Variants in DBNL observed in about 807,000 individuals in gnomAD.
DBNL encodes drebrin-like protein.
DBNL carries 35 observed loss-of-function variants against 62.2 expected under a neutral mutation model. That is an observed-to-expected ratio of 0.56 (90% CI 0.43 to 0.75). The LOEUF (loss-of-function observed/expected upper bound fraction) is 0.75, where lower values mean the gene tolerates loss of function less well. DBNL is among the 30% of genes least tolerant of loss of function. The probability of loss-of-function intolerance (pLI) is 0.00; values close to 1 mark genes in which losing one functional copy is unlikely to be tolerated. For missense variants in DBNL, 495 were observed against 578.4 expected, an observed-to-expected ratio of 0.86 and a Z score of 1.48; for synonymous variants, 197 against 218.0, an observed-to-expected ratio of 0.90 and a Z score of 0.85.
Position 44,066,801 on chromosome 7 carries a change from G to A in DBNL, c.*5885G>A, listed in dbSNP as rs754084843. The A allele has an allele frequency of 7.2e-5, 11 of 152,332 alleles. No homozygotes were observed. The highest frequency in any genetic ancestry group is 1.6e-4 in the Non-Finnish European group (11 of 68,138). 9.4% of individuals were successfully genotyped at this position (152,332 alleles called of 1,614,324 possible). A position where few individuals can be genotyped will look rare whatever the true frequency, so the allele number is the denominator to read the frequency against. On this transcript the variant is annotated 3_prime_UTR_variant, in exon 13 of 13. Coordinates refer to ENST00000448521, the MANE Select transcript of DBNL (RefSeq NM_001014436.3). ...GTCGGCTGCCAGGACCCCCAAGGCT[G>A]GCAGGTGGAACCCATCCCTCCTAGC...
chr7:44,056,721 G>C lies in DBNL; in HGVS notation c.328-36G>C, dbSNP rs1375880421. On this transcript the variant is annotated intron_variant, in intron 4 of 12. Coordinates refer to ENST00000448521, the MANE Select transcript of DBNL (RefSeq NM_001014436.3). The stretch of plus-strand genomic sequence containing the variant: ...GGAGTTTGGCCCATCTCCTGGGCTT[G>C]CAAAGCCCTTCTTTCAAGTGCTGCT... The C allele has an allele frequency of 3.7e-6, 6 of 1,612,826 alleles. No homozygotes were observed. In the East Asian group the frequency reaches 6.7e-5, roughly 18 times the overall value.
In DBNL at chr7:44,068,966, A is replaced by C. The variant is rs1452375530; in HGVS notation, c.*8050A>C. ...TTGAAAGACTGGATCTTCACCAGAA[A>C]CTATAGAGGCCAGAAAGAAGTGGAA... is the stretch of plus-strand genomic sequence containing the variant. On this transcript the variant is annotated 3_prime_UTR_variant, in exon 13 of 13. Transcript: ENST00000448521. 1 of 152,226 alleles carries C rather than the reference A, an allele frequency of 6.6e-6. No homozygotes were observed. The highest frequency in any genetic ancestry group is 1.5e-5 in the Non-Finnish European group (1 of 68,044). The allele number at this position is 152,226 out of a possible 1,614,324, so 9.4% of individuals were successfully genotyped here. A position where few individuals can be genotyped will look rare whatever the true frequency, so the allele number is the denominator to read the frequency against.
intron 6 of DBNL, 104 bp from the exon 7 acceptor site, chr7:44,058,025 G>A: frequency 6.6e-7 from 1 of 1,521,808 alleles, no homozygotes; most frequent in Non-Finnish European, 8.9e-7. Flanking sequence ...TGATCGACTG[G>A]CTCTGGTGCC....
Position 44,059,924 on chromosome 7 carries a change from G to GC in DBNL, c.1048-119dup. 1 of 963,592 alleles carries GC rather than the reference G, an allele frequency of 1.0e-6. No individual in the cohort carries two copies. Among genetic ancestry groups the GC allele is most frequent in the Non-Finnish European group, 1.6e-6 (1 of 632,502 alleles). 59.7% of individuals were successfully genotyped at this position (963,592 alleles called of 1,614,324 possible). A position where few individuals can be genotyped will look rare whatever the true frequency, so the allele number is the denominator to read the frequency against. ...GTAGGGCGGGGACAGCAGCAGCCCAGCCCCCGAGCCTGTAGACTGCTTGCC... is the reference window on the plus strand; with the variant it reads ...GTAGGGCGGGGACAGCAGCAGCCCAGCCCCCCGAGCCTGTAGACTGCTTGCC... On this transcript the variant is annotated intron_variant, in intron 11 of 12. Transcript: ENST00000448521. This position sits in a 1 kb window ranked among gnomAD's most constrained non-coding sequence, Gnocchi z 4.1.
chr7:44,057,901 C>T, intron 6 of DBNL, 42 bp downstream of exon 6: 1 of 1,612,558 alleles, frequency 6.2e-7, no homozygotes, highest in East Asian at 2.2e-5. Flanking sequence ...TGGGAGTGTT[C>T]TGCTTGCTGT....
Position 44,064,708 on chromosome 7 carries a change from A to G in DBNL, c.*3792A>G. 3 of 856,118 alleles carry G rather than the reference A, an allele frequency of 3.5e-6. No homozygotes were observed. Among genetic ancestry groups the G allele is most frequent in the East Asian group, 2.7e-5 (1 of 37,496 alleles). The allele number at this position is 856,118 out of a possible 1,614,324, so 53.0% of individuals were successfully genotyped here. ...AATGGCTTCTCAGCCCTCCTTTTTC[A>G]GTGAATGATGTGGAGCCCCACGCCT... is the stretch of plus-strand genomic sequence containing the variant. On this transcript the variant is annotated 3_prime_UTR_variant, in exon 13 of 13. Transcript: ENST00000448521.
chr7:44,051,103 C>T (rs1389476162), intron 2 of DBNL: 1 of 152,394 alleles, frequency 6.6e-6, no homozygotes, highest in Non-Finnish European at 1.5e-5. Context: ...GGACAGGGCT[C>T]TGCCACAAAT....
At position 44,063,244 on chromosome 7, in the gene DBNL, G is replaced by A. The variant is rs1006941180; in HGVS notation, c.*2328G>A. ...CAGCCAGACTGAAGTTGAGGGTCAG[G>A]AAGGGACACTCACCCTTTGTTTTTT... On this transcript the variant is annotated 3_prime_UTR_variant, in exon 13 of 13. Coordinates refer to ENST00000448521, the MANE Select transcript of DBNL (RefSeq NM_001014436.3). The A allele has an allele frequency of 2.0e-5, 9 of 442,160 alleles. No homozygotes were observed. The highest frequency in any genetic ancestry group is 3.7e-5 in the Non-Finnish European group (9 of 240,248). 27.4% of individuals were successfully genotyped at this position (442,160 alleles called of 1,614,324 possible). A position where few individuals can be genotyped will look rare whatever the true frequency, so the allele number is the denominator to read the frequency against.
Position 44,059,722 on chromosome 7 carries a change from G to C in DBNL, c.1047+64G>C. 2.8e-6 allele frequency: 4 copies of C among 1,453,974 alleles called. No homozygotes were observed. In the South Asian group the frequency reaches 5.0e-5, roughly 18 times the overall value. 90.1% of individuals were successfully genotyped at this position (1,453,974 alleles called of 1,614,324 possible). ...GCATACTCAGGAACACTTATCACGGGCCGCCTGAGTTTTCTGGGGGCATGC... is the reference window on the plus strand; with the variant it reads ...GCATACTCAGGAACACTTATCACGGCCCGCCTGAGTTTTCTGGGGGCATGC... On this transcript the variant is annotated intron_variant, in intron 11 of 12. Transcript: ENST00000448521. The surrounding 1 kb of genome is among the most constrained non-coding windows in gnomAD (Gnocchi z 4.1).
Position 44,062,884 on chromosome 7 carries a change from G to T in DBNL, c.*1968G>T. The stretch of plus-strand genomic sequence containing the variant: ...CCTTGTTCAGCTCATACACAATGGG[G>T]ATCCCCGTGGGCAGGTTCAGCTCCA... On this transcript the variant is annotated 3_prime_UTR_variant, in exon 13 of 13. Coordinates refer to ENST00000448521, the MANE Select transcript of DBNL (RefSeq NM_001014436.3). The T allele has an allele frequency of 6.2e-7, 1 of 1,614,204 alleles. No homozygotes were observed. Among genetic ancestry groups the T allele is most frequent in the Non-Finnish European group, 8.5e-7 (1 of 1,180,036 alleles).
Position 44,065,861 on chromosome 7 carries a change from G to T in DBNL, c.*4945G>T, listed in dbSNP as rs909882256. 2.2e-6 allele frequency: 1 copy of T among 461,586 alleles called. No homozygotes were observed. The highest frequency in any genetic ancestry group is 3.4e-5 in the Admixed American group (1 of 29,732). 28.6% of individuals were successfully genotyped at this position (461,586 alleles called of 1,614,324 possible). A position where few individuals can be genotyped will look rare whatever the true frequency, so the allele number is the denominator to read the frequency against. On this transcript the variant is annotated 3_prime_UTR_variant, in exon 13 of 13. Coordinates refer to ENST00000448521, the MANE Select transcript of DBNL (RefSeq NM_001014436.3). ...GTGAAGGGCAGAAGTCTGGGCCAGG[G>T]GAGATGGGGATAGCAGGGACAGAGG... is the stretch of plus-strand genomic sequence containing the variant.
In DBNL at chr7:44,062,914, C is replaced by T. The variant is rs778727645; in HGVS notation, c.*1998C>T. ...CCGTGGGCAGGTTCAGCTCCATGAT[C>T]GCCTGGTCTGACATCCCTATGCCGG... On this transcript the variant is annotated 3_prime_UTR_variant, in exon 13 of 13. Transcript: ENST00000448521. 6 of 1,614,172 alleles carry T rather than the reference C, an allele frequency of 3.7e-6. No homozygotes were observed. Among genetic ancestry groups the T allele is most frequent in the Admixed American group, 1.7e-5 (1 of 60,016 alleles).
At chr7:44,054,280 C>T (rs2096132104) in intron 4 of DBNL, among the ~76,000 whole-genome samples, 1 of 152,122 alleles carries the variant, frequency 6.6e-6, no homozygotes, top group Non-Finnish European at 1.5e-5. Flanking sequence ...GCAACCTCTG[C>T]CTCCCAGGTT....
intron 2 of DBNL, 161 bp downstream of exon 2, chr7:44,050,441 A>G (rs779530959): frequency 1.1e-5 from 7 of 646,290 alleles, no homozygotes; most frequent in Admixed American, 2.6e-5. Flanking sequence ...TGTAAGTGAA[A>G]ACATTCCTCC....
rs2096143439 is a variant in DBNL, at chr7:44,059,306, G to A, written c.836-48G>A. 1.3e-6 allele frequency: 2 copies of A among 1,587,036 alleles called. No homozygotes were observed. The highest frequency in any genetic ancestry group is 1.1e-5 in the South Asian group (1 of 89,650). On this transcript the variant is annotated intron_variant, in intron 9 of 12. Transcript: ENST00000448521. This position sits in a 1 kb window ranked among gnomAD's most constrained non-coding sequence, Gnocchi z 4.1. ...GGAGGGTGCTGTGGGGTGCGTGGGT[G>A]TGTGGTGGTGTTTCTGAAGTGATGT...
intron 2 of DBNL, 98 bp from the exon 3 acceptor site, chr7:44,051,732 C>A: frequency 9.3e-7 from 1 of 1,075,920 alleles, no homozygotes; most frequent in Non-Finnish European, 1.4e-6. Context: ...AGGTGAGAAG[C>A]CCTGGTTTAG....
At position 44,064,489 on chromosome 7, in the gene DBNL, G is replaced by A. The variant is rs928977557; in HGVS notation, c.*3573G>A. 8.0e-6 allele frequency: 3 copies of A among 373,448 alleles called. No individual in the cohort carries two copies. In the Admixed American group the frequency reaches 1.2e-4, roughly 15 times the overall value. The allele number at this position is 373,448 out of a possible 1,614,324, so 23.1% of individuals were successfully genotyped here. A position where few individuals can be genotyped will look rare whatever the true frequency, so the allele number is the denominator to read the frequency against. ...CCAGAGATGGAGGTGGCTTGTCCAG[G>A]GCCCCACAGTAAGTTGGGATTTGGA... On this transcript the variant is annotated 3_prime_UTR_variant, in exon 13 of 13. Coordinates refer to ENST00000448521, the MANE Select transcript of DBNL (RefSeq NM_001014436.3).
Position 44,065,063 on chromosome 7 carries a change from C to G in DBNL, c.*4147C>G, listed in dbSNP as rs769945454. On this transcript the variant is annotated 3_prime_UTR_variant, in exon 13 of 13. Transcript: ENST00000448521. ...CCCTCCCAAGCCAGTGGGCCCCCAC[C>G]CGACTCCCCACTCTGCAGCTTCCCA... 6 of 1,610,592 alleles carry G rather than the reference C, an allele frequency of 3.7e-6. No homozygotes were observed. In the African/African-American group the frequency reaches 8.0e-5, roughly 21 times the overall value.
At chr7:44,049,471 T>C (rs2096122746) in intron 1 of DBNL, among the ~76,000 whole-genome samples, 1 of 152,188 alleles carries the variant, frequency 6.6e-6, no homozygotes, top group Admixed American at 6.5e-5. Context: ...CCAAAGTTCT[T>C]ATGAATAATT....
Sources: gnomAD v4.1 joint callset for allele counts (sites outside exome capture counted in the v4.1 genomes callset) on GRCh38, gnomAD v4.1.1 for gene constraint, Gnocchi (gnomAD v3.1) non-coding constraint, MANE v1.5 for transcripts, NCBI Gene and HGNC (gene_info 2026-07-23, HGNC 2026-07-21) for gene names.